Variants in CMSS1 observed in about 807,000 individuals in gnomAD.
The protein encoded by CMSS1 is cms1 ribosomal small subunit homolog.
In CMSS1, 33 loss-of-function variants were observed where a neutral mutation model predicts 43.5. That is an observed-to-expected ratio of 0.76 (90% CI 0.57 to 1.01). CMSS1 has a LOEUF of 1.01. Ranked by LOEUF, CMSS1 falls within the 50% of genes least tolerant of loss-of-function variation. The probability of loss-of-function intolerance (pLI) is 0.00; values close to 1 mark genes in which losing one functional copy is unlikely to be tolerated. For missense variants in CMSS1, 313 were observed against 326.4 expected (o/e 0.96, Z 0.32); for synonymous variants, 115 against 117.2 (o/e 0.98, Z 0.12).
intron 1 of CMSS1, among the ~76,000 whole-genome samples, chr3:99,928,122 C>T (rs1481628921): frequency 6.6e-6 from 1 of 152,206 alleles, no homozygotes; most frequent in Non-Finnish European, 1.5e-5. Flanking sequence ...GATGCTTATT[C>T]TCATGTAATT....
chr3:99,938,050 A>AGTGTGT (rs71625545), intron 1 of CMSS1, among the ~76,000 whole-genome samples: 361 of 148,998 alleles, frequency 2.4e-3, no homozygotes, highest in Non-Finnish European at 3.4e-3. Context: ...AGGCTCAGGA[A>AGTGTGT]GTGTGTGTGT....
At chr3:99,942,884 C>T (rs1707893700) in intron 1 of CMSS1, among the ~76,000 whole-genome samples, 1 of 151,386 alleles carries the variant, frequency 6.6e-6, no homozygotes, top group South Asian at 2.1e-4. Context: ...AAAGAGAGTG[C>T]CATGGGGGAA....
At chr3:99,882,386 G>A (rs531588403) in intron 1 of CMSS1, among the ~76,000 whole-genome samples, 1 of 152,294 alleles carries the variant, frequency 6.6e-6, no homozygotes, top group Non-Finnish European at 1.5e-5. Flanking sequence ...CATATAAGCA[G>A]TCAGTGGTGG....
At chr3:99,819,215 T>C (rs1223532483) in intron 1 of CMSS1, among the ~76,000 whole-genome samples, 1 of 152,246 alleles carries the variant, frequency 6.6e-6, no homozygotes, top group Non-Finnish European at 1.5e-5. Context: ...TTGATTAAAC[T>C]TCCTGACTCT....
At chr3:99,863,650 A>G (rs1576525605) in intron 1 of CMSS1, among the ~76,000 whole-genome samples, 1 of 152,196 alleles carries the variant, frequency 6.6e-6, no homozygotes, top group East Asian at 1.9e-4. Flanking sequence ...AACTCTTTAA[A>G]TTTCAATTAT....
At chr3:100,103,134 C>G (rs778621353) in intron 1 of CMSS1, among the ~76,000 whole-genome samples, 8 of 152,178 alleles carry the variant, frequency 5.3e-5, no homozygotes, top group African/African-American at 9.7e-5. Context: ...CCTGTTCACC[C>G]TGTGATTGTA....
At chr3:99,939,503 C>T (rs573855186) in intron 1 of CMSS1, among the ~76,000 whole-genome samples, 39 of 152,286 alleles carry the variant, frequency 2.6e-4, no homozygotes, top group African/African-American at 9.4e-4. Context: ...TTTGATTGTG[C>T]CCCTTCAGCC....
intron 6 of CMSS1, among the ~76,000 whole-genome samples, chr3:100,171,556 G>A (rs1199828443): frequency 6.6e-6 from 1 of 152,176 alleles, no homozygotes; most frequent in Non-Finnish European, 1.5e-5. Context: ...TATTACAAAT[G>A]AAAGGCAGGT....
chr3:99,840,460 G>C (rs1489418747), intron 1 of CMSS1, among the ~76,000 whole-genome samples: 1 of 152,040 alleles, frequency 6.6e-6, no homozygotes, highest in Non-Finnish European at 1.5e-5. Flanking sequence ...CTGACCTCAT[G>C]ATCTGCCCGC....
chr3:99,952,003 T>C (rs368127695), intron 1 of CMSS1, among the ~76,000 whole-genome samples: 2 of 152,320 alleles, frequency 1.3e-5, no homozygotes, highest in Middle Eastern at 3.4e-3. Flanking sequence ...ACACCCTTAG[T>C]TGAAATTTAT....
chr3:100,123,347 G>GC (rs1388124640), intron 1 of CMSS1, among the ~76,000 whole-genome samples: 2 of 152,188 alleles, frequency 1.3e-5, no homozygotes, highest in East Asian at 3.8e-4. Flanking sequence ...GGTCAGCATG[G>GC]CTGGGGTATT....
At chr3:99,915,034 C>A (rs963555951) in intron 1 of CMSS1, among the ~76,000 whole-genome samples, 22 of 152,072 alleles carry the variant, frequency 1.4e-4, no homozygotes, top group African/African-American at 5.3e-4. Flanking sequence ...ATCTTAAAAT[C>A]CCCTTTTAGG....
At chr3:99,868,916 A>C (rs2107576217) in intron 1 of CMSS1, among the ~76,000 whole-genome samples, 1 of 152,242 alleles carries the variant, frequency 6.6e-6, no homozygotes, top group East Asian at 1.9e-4. Context: ...AATTTGTTTT[A>C]GTATATTACT....
chr3:99,892,892 T>C (rs1194146925), intron 1 of CMSS1, among the ~76,000 whole-genome samples: 2 of 152,208 alleles, frequency 1.3e-5, no homozygotes, highest in Non-Finnish European at 2.9e-5. Context: ...AAGTTATCTT[T>C]TACATAAATT....
At chr3:100,004,932 A>T (rs1229195092) in intron 1 of CMSS1, among the ~76,000 whole-genome samples, 1 of 152,142 alleles carries the variant, frequency 6.6e-6, no homozygotes, top group Non-Finnish European at 1.5e-5. Flanking sequence ...CCCATTAGAT[A>T]TTGGATTTCA....
chr3:99,961,770 G>A (rs1444225311), intron 1 of CMSS1, among the ~76,000 whole-genome samples: 1 of 152,008 alleles, frequency 6.6e-6, no homozygotes, highest in African/African-American at 2.4e-5. Context: ...TAATGACACC[G>A]ATCTTGCCTT....
intron 1 of CMSS1, among the ~76,000 whole-genome samples, chr3:99,970,241 A>C (rs1224531519): frequency 1.3e-5 from 2 of 152,224 alleles, no homozygotes; most frequent in Admixed American, 1.3e-4. Context: ...AAGTCATCTG[A>C]TAAGTTTTGG....
chr3:100,012,061 T>C (rs750438357), intron 1 of CMSS1, among the ~76,000 whole-genome samples: 9 of 152,188 alleles, frequency 5.9e-5, no homozygotes, highest in Non-Finnish European at 1.0e-4. Flanking sequence ...GGGGGTGGTA[T>C]GTGGTAAGCA....
At chr3:100,091,305 A>G (rs2066104870) in intron 1 of CMSS1, among the ~76,000 whole-genome samples, 1 of 151,970 alleles carries the variant, frequency 6.6e-6, no homozygotes, top group African/African-American at 2.4e-5. Flanking sequence ...AAAAAAAAGA[A>G]AAAAGAAACC....
Sources: gnomAD v4.1 joint callset for allele counts (sites outside exome capture counted in the v4.1 genomes callset) on GRCh38, gnomAD v4.1.1 for gene constraint, MANE v1.5 for transcripts, NCBI Gene and HGNC (gene_info 2026-07-23, HGNC 2026-07-21) for gene names.